Variants in OSBP2 observed in about 807,000 individuals in gnomAD.
OSBP2 encodes the protein oxysterol-binding protein 2.
In OSBP2, 66 loss-of-function variants were observed where a neutral mutation model predicts 96.0. The observed-to-expected ratio is 0.69, with a 90% CI of 0.56 to 0.84. The LOEUF (loss-of-function observed/expected upper bound fraction) is 0.84. OSBP2 is among the 40% of genes least tolerant of loss of function. OSBP2 has a pLI of 0.00. For synonymous variants in OSBP2, 525 were observed against 520.9 expected, an observed-to-expected ratio of 1.01 and a Z score of -0.11; for missense variants, 1,038 against 1,222.7, an observed-to-expected ratio of 0.85 and a Z score of 2.25.
chr22:30,803,496 G>A (rs1163123978), intron 2 of OSBP2, among the ~76,000 whole-genome samples: 1 of 152,240 alleles, frequency 6.6e-6, no homozygotes, highest in East Asian at 1.9e-4. Context: ...TGGTGCCACA[G>A]GGGGGACAGC....
At chr22:30,889,726 C>A in intron 7 of OSBP2, 90 bp downstream of exon 7, 5 of 1,244,044 alleles carry the variant, frequency 4.0e-6, no homozygotes, top group South Asian at 3.7e-5. Flanking sequence ...GTGAAGTACA[C>A]ACAGCCTTGG....
upstream of OSBP2, chr22:30,694,161 T>C (rs2088975583): frequency 6.4e-7 from 1 of 1,550,416 alleles, no homozygotes; most frequent in Non-Finnish European, 8.7e-7. Flanking sequence ...AGATGTTTCT[T>C]GTACTAAAAC....
intron 12 of OSBP2, among the ~76,000 whole-genome samples, chr22:30,899,569 T>C (rs1201414346): frequency 1.3e-5 from 2 of 152,176 alleles, no homozygotes; most frequent in African/African-American, 4.8e-5. Flanking sequence ...AACATATTAT[T>C]CCAATTTCAT....
intron 2 of OSBP2, among the ~76,000 whole-genome samples, chr22:30,831,586 A>C (rs1316899976): frequency 6.6e-6 from 1 of 152,168 alleles, no homozygotes; most frequent in Non-Finnish European, 1.5e-5. Context: ...ATGCAAAATG[A>C]AAATATAGGG....
At chr22:30,886,529 C>T (rs903711987) in intron 3 of OSBP2, among the ~76,000 whole-genome samples, 11 of 152,174 alleles carry the variant, frequency 7.2e-5, no homozygotes, top group Non-Finnish European at 1.3e-4. Context: ...CGATCTAGCT[C>T]TGTGAATAGA....
At chr22:30,862,483 C>T (rs1263733266) in intron 2 of OSBP2, among the ~76,000 whole-genome samples, 1 of 152,120 alleles carries the variant, frequency 6.6e-6, no homozygotes, top group Non-Finnish European at 1.5e-5. Context: ...AGTTCAAGAC[C>T]AGCCTGGCCA....
intron 2 of OSBP2, among the ~76,000 whole-genome samples, chr22:30,783,730 A>G (rs1468363008): frequency 1.3e-5 from 2 of 152,180 alleles, no homozygotes; most frequent in African/African-American, 4.8e-5. Context: ...GAATGCTGGC[A>G]TAAGAACGCA....
rs763459669 is a variant in OSBP2, at chr22:30,906,032, G to C, written c.2571G>C (p.Glu857Asp). The C allele has an allele frequency of 1.9e-6, 3 of 1,567,406 alleles. No homozygotes were observed. The East Asian group carries it at 7.0e-5, about 37-fold the overall frequency. Residue 857 changes from glutamate (E) to aspartate (D), a missense_variant, in exon 13 of 14, where the codon GAG (glutamate) becomes GAC (aspartate). Transcript: ENST00000332585. ...GCCTGTCGCGGCGCCGGCGGCTGGAGGCCTGCGGGCCGGGCAGCAGCTGCA... is the reference window on the plus strand; with the variant it reads ...GCCTGTCGCGGCGCCGGCGGCTGGACGCCTGCGGGCCGGGCAGCAGCTGCA... ...KQRLSRRRRL[E>D]ACGPGSSCSS...
At chr22:30,716,882 A>G (rs1247557726) in intron 1 of OSBP2, among the ~76,000 whole-genome samples, 1 of 151,992 alleles carries the variant, frequency 6.6e-6, no homozygotes, top group African/African-American at 2.4e-5. Context: ...TACTTTGTTG[A>G]TTGTGTCCTT....
At chr22:30,834,962 T>C (rs2038602978) in intron 2 of OSBP2, among the ~76,000 whole-genome samples, 1 of 151,982 alleles carries the variant, frequency 6.6e-6, no homozygotes, top group South Asian at 2.1e-4. Flanking sequence ...AATACAGGCA[T>C]GCACCACCAC....
chr22:30,786,242 C>T (rs1003877236), intron 2 of OSBP2, among the ~76,000 whole-genome samples: 1 of 152,116 alleles, frequency 6.6e-6, no homozygotes, highest in African/African-American at 2.4e-5. Flanking sequence ...AGGCTGGTCT[C>T]GAACTCCTGA....
chr22:30,866,716 G>A (rs894618096), intron 2 of OSBP2, among the ~76,000 whole-genome samples: 1 of 151,068 alleles, frequency 6.6e-6, no homozygotes, highest in Non-Finnish European at 1.5e-5. Flanking sequence ...CAGCCTGGGC[G>A]ACAGCGCGAG....
chr22:30,849,662 A>G (rs1284088999), intron 2 of OSBP2, among the ~76,000 whole-genome samples: 1 of 152,190 alleles, frequency 6.6e-6, no homozygotes, highest in Non-Finnish European at 1.5e-5. Flanking sequence ...ATATTGGGAA[A>G]AACTTCTCCT....
chr22:30,892,279 A>G (rs1385348683), intron 8 of OSBP2, among the ~76,000 whole-genome samples: 1 of 152,180 alleles, frequency 6.6e-6, no homozygotes, highest in Admixed American at 6.5e-5. Context: ...AGGAGGAGGC[A>G]GAGCTTCCTA....
At chr22:30,854,011 G>A (rs1038974022) in intron 2 of OSBP2, among the ~76,000 whole-genome samples, 16 of 151,988 alleles carry the variant, frequency 1.1e-4, no homozygotes, top group Non-Finnish European at 1.6e-4. Context: ...CGCCCACCTC[G>A]GCCTCCTAAA....
intron 1 of OSBP2, among the ~76,000 whole-genome samples, chr22:30,726,405 T>C (rs759258040): frequency 5.9e-5 from 9 of 152,050 alleles, no homozygotes; most frequent in Non-Finnish European, 8.8e-5. Flanking sequence ...ACACATATTC[T>C]CACTCATAAG....
Position 30,890,864 on chromosome 22 carries a change from C to T in OSBP2, c.1760C>T (p.Ser587Phe), listed in dbSNP as rs1402763452. Residue 587 changes from serine to phenylalanine, a missense_variant, in exon 8 of 14, where the codon TCC becomes TTC. Coordinates refer to ENST00000332585, the MANE Select transcript of OSBP2 (RefSeq NM_030758.4). The surrounding 1 kb of genome is among the most constrained non-coding windows in gnomAD (Gnocchi z 4.4). ...MCLVAAFSVS[S>F]YSTTVHRIAK... ...CTGGTGGCCGCCTTCTCTGTGTCCT[C>T]CTACTCCACCACAGTGCACCGCATC... The T allele has an allele frequency of 1.9e-6, 3 of 1,613,860 alleles. No individual in the cohort carries two copies. Among genetic ancestry groups the T allele is most frequent in the Middle Eastern group, 1.6e-4 (1 of 6,062 alleles).
chr22:30,880,988 G>A (rs1157081970), intron 3 of OSBP2, among the ~76,000 whole-genome samples: 1 of 152,154 alleles, frequency 6.6e-6, no homozygotes, highest in Non-Finnish European at 1.5e-5. Context: ...GTCAGGCAGG[G>A]CCTGGACTCC....
chr22:30,763,919 CCTTTTA>C (rs1435146387), intron 2 of OSBP2, among the ~76,000 whole-genome samples: 1 of 152,154 alleles, frequency 6.6e-6, no homozygotes. Context: ...GAGATAGTAT[CCTTTTA>C]CTTGACACAG....
Sources: gnomAD v4.1 joint callset for allele counts (sites outside exome capture counted in the v4.1 genomes callset) on GRCh38, gnomAD v4.1.1 for gene constraint, Gnocchi (gnomAD v3.1) non-coding constraint, MANE v1.5 for transcripts, NCBI Gene and HGNC (gene_info 2026-07-23, HGNC 2026-07-21) for gene names.